Variants in SLC16A1 observed in about 807,000 individuals in gnomAD.
The protein encoded by SLC16A1 is monocarboxylate transporter 1.
Under a neutral mutation model 32.2 loss-of-function variants are expected in SLC16A1, and 11 were observed. The ratio of observed to expected loss-of-function variants is 0.34; its 90% CI spans 0.21 to 0.56. SLC16A1 has a LOEUF of 0.56. Among genes scored for constraint, SLC16A1 ranks in the 20% least tolerant of loss-of-function variants. The pLI, the probability that SLC16A1 is intolerant of heterozygous loss-of-function variation, is 0.87. For synonymous variants in SLC16A1, 231 were observed against 226.8 expected (o/e 1.02, Z -0.17); for missense variants, 435 against 615.0 (o/e 0.71, Z 3.10).
intron 1 of SLC16A1, among the ~76,000 whole-genome samples, chr1:112,932,507 C>G (rs1649166724): frequency 6.6e-6 from 1 of 151,708 alleles, no homozygotes; most frequent in African/African-American, 2.4e-5. Flanking sequence ...CACTCCAGAG[C>G]AAGACCTTGT....
At position 112,953,153 on chromosome 1, in the gene SLC16A1, C is replaced by CTTT. The variant is rs55766100; in HGVS notation, c.-45+2879_-45+2881dup. Among the ~76,000 whole-genome samples the CTTT allele has an allele frequency of 7.8e-3, 1,010 of 130,150 alleles. 22 individuals carry two copies. The highest frequency in any genetic ancestry group is 0.017 in the Middle Eastern group (4 of 234). 85.4% of individuals were successfully genotyped at this position (130,150 alleles called of 152,430 possible). A position where few individuals can be genotyped will look rare whatever the true frequency, so the allele number is the denominator to read the frequency against. On this transcript the variant is annotated intron_variant, in intron 1 of 4. Transcript: ENST00000369626. ...GTTATCCCCAGCCCCACTGAAAATC[C>CTTT]TTTTTTTTTTTTTTTTTTTGAAACA... is the stretch of plus-strand genomic sequence containing the variant.
chr1:112,943,949 A>G (rs1226731867), intron 1 of SLC16A1, among the ~76,000 whole-genome samples: 4 of 152,194 alleles, frequency 2.6e-5, no homozygotes, highest in Non-Finnish European at 5.9e-5. Context: ...TAAAAGAGAA[A>G]AAGAGACAGA....
chr1:112,911,912 C>T lies in SLC16A1; in HGVS notation c.*1979G>A, dbSNP rs1648333550. 1 of 152,200 alleles carries T rather than the reference C, an allele frequency of 6.6e-6. No homozygotes were observed. Among genetic ancestry groups the T allele is most frequent in the Non-Finnish European group, 1.5e-5 (1 of 68,030 alleles). 9.4% of individuals were successfully genotyped at this position (152,200 alleles called of 1,614,324 possible). On this transcript the variant is annotated 3_prime_UTR_variant, in exon 5 of 5. Coordinates refer to ENST00000369626, the MANE Select transcript of SLC16A1 (RefSeq NM_003051.4). ...CTTACATTCCTTATTCCCTCACCAACAGTAATCCTCATTTTTATAGAAGGT... is the reference window on the plus strand; with the variant it reads ...CTTACATTCCTTATTCCCTCACCAATAGTAATCCTCATTTTTATAGAAGGT...
intron 1 of SLC16A1, among the ~76,000 whole-genome samples, chr1:112,950,750 A>G (rs537050835): frequency 1.3e-5 from 2 of 152,230 alleles, no homozygotes; most frequent in Admixed American, 1.3e-4. Flanking sequence ...TAATCCCAGC[A>G]CTTTGGGATG....
chr1:112,950,201 G>A (rs1004183341), intron 1 of SLC16A1, among the ~76,000 whole-genome samples: 4 of 152,134 alleles, frequency 2.6e-5, no homozygotes, highest in Admixed American at 1.3e-4. Context: ...TAGACCTTAG[G>A]GGATCAATAT....
At position 112,929,466 on chromosome 1, in the gene SLC16A1, C is replaced by T. The variant is rs1649051350; in HGVS notation, c.-44-114G>A. On this transcript the variant is annotated intron_variant, in intron 1 of 4. Transcript: ENST00000369626. ...GGATCATGCCTATTAGTAATCCCAGCTACTTGGGAGGTTGAGGCAGGAGGA... is the reference window on the plus strand; with the variant it reads ...GGATCATGCCTATTAGTAATCCCAGTTACTTGGGAGGTTGAGGCAGGAGGA... 1.6e-5 allele frequency: 11 copies of T among 680,178 alleles called. No individual in the cohort carries two copies. In the South Asian group the frequency reaches 1.9e-4, roughly 12 times the overall value. 42.1% of individuals were successfully genotyped at this position (680,178 alleles called of 1,614,324 possible). A position where few individuals can be genotyped will look rare whatever the true frequency, so the allele number is the denominator to read the frequency against.
Position 112,917,756 on chromosome 1 carries a change from G to A in SLC16A1, c.650C>T (p.Ala217Val), listed in dbSNP as rs1475082218. Residue 217 changes from alanine to valine, a missense_variant, in exon 4 of 5, where the codon GCT becomes GTT. Physicochemically the swap from Ala to Val is moderately conservative, Grantham distance 64 (BLOSUM62 0). Coordinates refer to ENST00000369626, the MANE Select transcript of SLC16A1 (RefSeq NM_003051.4). The surrounding 1 kb of genome is among the most constrained non-coding windows in gnomAD (Gnocchi z 4.1). ...ATCTTTTTTCACACCAGATTTTCCA[G>A]CTTTCTCAAGGGATGCTTTAGACTT... ...KDKSKASLEK[A>V]GKSGVKKDLH... 6.2e-7 allele frequency: 1 copy of A among 1,614,080 alleles called. No individual in the cohort carries two copies. Among genetic ancestry groups the A allele is most frequent in the Non-Finnish European group, 8.5e-7 (1 of 1,180,030 alleles).
At chr1:112,938,561 A>G (rs1179436902) in intron 1 of SLC16A1, among the ~76,000 whole-genome samples, 1 of 152,244 alleles carries the variant, frequency 6.6e-6, no homozygotes, top group African/African-American at 2.4e-5. Context: ...AACTGCATAT[A>G]AAGAATCTTA....
chr1:112,919,264 G>C (rs898219155), intron 3 of SLC16A1, among the ~76,000 whole-genome samples: 1 of 151,964 alleles, frequency 6.6e-6, no homozygotes, highest in Non-Finnish European at 1.5e-5. Context: ...TCGATCTCCT[G>C]ACCTCGTGAT....
chr1:112,915,468 G>A (rs1648469204), intron 4 of SLC16A1, among the ~76,000 whole-genome samples: 1 of 152,188 alleles, frequency 6.6e-6, no homozygotes, highest in African/African-American at 2.4e-5. Flanking sequence ...GACAGCTGGG[G>A]CCAGCCCATG....
At chr1:112,946,663 C>T (rs547709677) in intron 1 of SLC16A1, among the ~76,000 whole-genome samples, 5 of 152,198 alleles carry the variant, frequency 3.3e-5, no homozygotes, top group Non-Finnish European at 7.3e-5. Context: ...AAGCAATTCT[C>T]CTGCCTCAGC....
rs1649376388 is a variant in SLC16A1, at chr1:112,938,224, GT to G, written c.-44-8873del. Among the ~76,000 whole-genome samples the G allele has an allele frequency of 3.3e-5, 5 of 152,158 alleles. No homozygotes were observed. The South Asian group carries it at 1.0e-3, about 32-fold the overall frequency. ...ATAATCTGTTAATGAGTGTAAACTA[GT>G]TTTAGGTTTCAAACACATGGAAACA... On this transcript the variant is annotated intron_variant, in intron 1 of 4. Coordinates refer to ENST00000369626, the MANE Select transcript of SLC16A1 (RefSeq NM_003051.4).
At chr1:112,924,312 G>A (rs1371594099) in intron 2 of SLC16A1, 2 of 1,390,236 alleles carry the variant, frequency 1.4e-6, no homozygotes, top group African/African-American at 1.4e-5. Flanking sequence ...CTGGCAATTG[G>A]TTGCTCACGA....
At position 112,913,994 on chromosome 1, in the gene SLC16A1, C is replaced by G. The variant is rs1648413669; in HGVS notation, c.1400G>C (p.Ser467Thr). The change falls in exon 5 of 5, where the codon AGT becomes ACT. Residue 467 changes from serine to threonine, a missense_variant. Coordinates refer to ENST00000369626, the MANE Select transcript of SLC16A1 (RefSeq NM_003051.4). ...QKKESKEEET[S>T]IDVAGKPNEV... ...ATTTGGCTTCCCAGCAACATCTATA[C>G]TGGTCTCTTCCTCTTTACTTTCCTT... The G allele has an allele frequency of 1.2e-6, 2 of 1,614,198 alleles. No individual in the cohort carries two copies. Among genetic ancestry groups the G allele is most frequent in the Non-Finnish European group, 1.7e-6 (2 of 1,180,030 alleles).
intron 3 of SLC16A1, among the ~76,000 whole-genome samples, chr1:112,920,265 G>C (rs533660113): frequency 3.9e-5 from 6 of 152,306 alleles, no homozygotes; most frequent in Admixed American, 6.5e-5. Flanking sequence ...CTGAGGTCAG[G>C]AGTTTGAGAC....
intron 3 of SLC16A1, among the ~76,000 whole-genome samples, chr1:112,919,586 T>C (rs1032169638): frequency 2.0e-5 from 3 of 152,182 alleles, no homozygotes; most frequent in African/African-American, 4.8e-5. Flanking sequence ...AGAAACACTA[T>C]AGAAAGTCCA....
intron 1 of SLC16A1, among the ~76,000 whole-genome samples, chr1:112,951,288 T>G (rs972632263): frequency 6.6e-6 from 1 of 151,694 alleles, no homozygotes; most frequent in African/African-American, 2.4e-5. Flanking sequence ...TGGCACCAAC[T>G]GCATGTGGTA....
At chr1:112,950,530 A>G (rs1023157417) in intron 1 of SLC16A1, among the ~76,000 whole-genome samples, 1 of 152,242 alleles carries the variant, frequency 6.6e-6, no homozygotes, top group Non-Finnish European at 1.5e-5. Flanking sequence ...AGATTCAACA[A>G]TATCATGAGT....
rs768990674 is a variant in SLC16A1, at chr1:112,917,711, T to A, written c.695A>T (p.Asp232Val). The change falls in exon 4 of 5, where the codon GAT (aspartate) becomes GTT (valine). Residue 232 changes from aspartate to valine, a missense_variant. Coordinates refer to ENST00000369626, the MANE Select transcript of SLC16A1 (RefSeq NM_003051.4). The surrounding 1 kb of genome is among the most constrained non-coding windows in gnomAD (Gnocchi z 4.1). The stretch of plus-strand genomic sequence containing the variant: ...TTGTTTAGGGTGTCTTCCAATAAGA[T>A]CTGTATTTGCATCATGCAGATCTTT... ...VKKDLHDANT[D>V]LIGRHPKQEK... 1 of 1,614,232 alleles carries A rather than the reference T, an allele frequency of 6.2e-7. No individual in the cohort carries two copies. The highest frequency in any genetic ancestry group is 1.1e-5 in the South Asian group (1 of 91,084).
Sources: gnomAD v4.1 joint callset for allele counts (sites outside exome capture counted in the v4.1 genomes callset) on GRCh38, gnomAD v4.1.1 for gene constraint, Gnocchi (gnomAD v3.1) non-coding constraint, MANE v1.5 for transcripts, NCBI Gene and HGNC (gene_info 2026-07-23, HGNC 2026-07-21) for gene names.